The following IMMP2L variants were observed in gnomAD, a reference collection of about 807,000 sequenced individuals.
IMMP2L encodes inner mitochondrial membrane peptidase subunit 2.
A neutral mutation model predicts 19.3 loss-of-function variants in IMMP2L; 18 were observed. The ratio of observed to expected loss-of-function variants is 0.93; its 90% CI spans 0.64 to 1.38. The LOEUF is 1.38. Among genes scored for constraint, IMMP2L ranks in the 40% most tolerant of loss-of-function variants. The pLI is 0.00. For synonymous variants in IMMP2L, 76 were observed against 73.0 expected (o/e 1.04, Z -0.21); for missense variants, 233 against 218.2 (o/e 1.07, Z -0.43).
intron 5 of IMMP2L, among the ~76,000 whole-genome samples, chr7:110,859,648 T>C (rs1448372933): frequency 1.3e-5 from 2 of 150,686 alleles, no homozygotes; most frequent in Non-Finnish European, 3.0e-5. Context: ...GAGGCTGAGG[T>C]GGGAGGATCA....
chr7:111,035,759 A>G (rs999719423), intron 3 of IMMP2L, among the ~76,000 whole-genome samples: 4 of 152,186 alleles, frequency 2.6e-5, no homozygotes, highest in African/African-American at 9.7e-5. Context: ...TTTTTAAAAA[A>G]TTATCATTGG....
chr7:111,239,625 A>T (rs550428847), intron 3 of IMMP2L, among the ~76,000 whole-genome samples: 1 of 152,058 alleles, frequency 6.6e-6, no homozygotes, highest in Admixed American at 6.6e-5. Flanking sequence ...AATTCTTTGT[A>T]ATCTCTTTAT....
chr7:111,219,754 C>G (rs1180301951), intron 3 of IMMP2L, among the ~76,000 whole-genome samples: 6 of 147,934 alleles, frequency 4.1e-5, no homozygotes, highest in Non-Finnish European at 7.5e-5. Flanking sequence ...TTTTTTTGGT[C>G]TATAAAACAA....
At chr7:111,180,530 T>C (rs895372871) in intron 3 of IMMP2L, among the ~76,000 whole-genome samples, 5 of 151,982 alleles carry the variant, frequency 3.3e-5, no homozygotes. Context: ...CTACAACATA[T>C]GTAACAAAAA....
At chr7:110,894,283 T>A (rs1033279030) in intron 4 of IMMP2L, among the ~76,000 whole-genome samples, 37 of 152,186 alleles carry the variant, frequency 2.4e-4, no homozygotes, top group African/African-American at 8.7e-4. Flanking sequence ...CTATTGTTAA[T>A]TAGATACTGC....
intron 3 of IMMP2L, among the ~76,000 whole-genome samples, chr7:111,297,894 G>A (rs1303516748): frequency 1.3e-5 from 2 of 152,074 alleles, no homozygotes; most frequent in Non-Finnish European, 2.9e-5. Flanking sequence ...GTGATTTCAT[G>A]CAGCCAGAAG....
At chr7:111,307,461 A>T (rs767620104) in intron 3 of IMMP2L, among the ~76,000 whole-genome samples, 2 of 151,906 alleles carry the variant, frequency 1.3e-5, no homozygotes, top group Non-Finnish European at 2.9e-5. Context: ...ATAAAATATA[A>T]CTAGGCAAAA....
intron 5 of IMMP2L, among the ~76,000 whole-genome samples, chr7:110,793,388 C>G (rs989078694): frequency 1.4e-4 from 22 of 151,866 alleles, no homozygotes; most frequent in African/African-American, 5.1e-4. Flanking sequence ...CCACTGCACT[C>G]TAGCCTGGGC....
At chr7:110,684,198 C>T (rs981635182) in intron 5 of IMMP2L, among the ~76,000 whole-genome samples, 1 of 152,074 alleles carries the variant, frequency 6.6e-6, no homozygotes, top group Non-Finnish European at 1.5e-5. Context: ...TCATGGCTAA[C>T]TATGGACTGA....
intron 5 of IMMP2L, among the ~76,000 whole-genome samples, chr7:110,764,716 T>C (rs1225843286): frequency 2.0e-5 from 3 of 152,050 alleles, no homozygotes; most frequent in East Asian, 3.9e-4. Context: ...GACTTCAAAG[T>C]GGGAAAAAGA....
At chr7:110,859,374 A>G (rs769610904) in intron 5 of IMMP2L, among the ~76,000 whole-genome samples, 8 of 152,052 alleles carry the variant, frequency 5.3e-5, no homozygotes, top group Non-Finnish European at 1.2e-4. Context: ...CGATAAAGAC[A>G]GTTTTTAGAA....
At position 111,230,832 on chromosome 7, in the gene IMMP2L, G is replaced by A. The variant is rs373319557; in HGVS notation, c.239+256406C>T. On this transcript the variant is annotated intron_variant, in intron 3 of 5. Transcript: ENST00000405709. The stretch of plus-strand genomic sequence containing the variant: ...CTAAAGAAAGGAAGCACAGATATGG[G>A]AATATTTGTAACAAAGGTACATGTC... Among the ~76,000 whole-genome samples, 5 of 151,992 alleles carry A rather than the reference G, an allele frequency of 3.3e-5. No individual in the cohort carries two copies. The South Asian group carries it at 1.0e-3, about 31-fold the overall frequency.
intron 4 of IMMP2L, chr7:110,963,111 T>G: frequency 6.6e-7 from 1 of 1,506,182 alleles, no homozygotes; most frequent in East Asian, 2.5e-5. Flanking sequence ...AAAAGAGTCC[T>G]CTTAGTTTCT....
At chr7:111,297,631 G>A (rs918001350) in intron 3 of IMMP2L, among the ~76,000 whole-genome samples, 1 of 152,044 alleles carries the variant, frequency 6.6e-6, no homozygotes, top group Admixed American at 6.6e-5. Context: ...CAGCTTTAAT[G>A]ATACTAGTCA....
chr7:111,558,167 C>T (rs1250968250), intron 1 of IMMP2L, among the ~76,000 whole-genome samples: 1 of 152,134 alleles, frequency 6.6e-6, no homozygotes, highest in Non-Finnish European at 1.5e-5. Context: ...TTCTAGGAAA[C>T]AAGTAATTCA....
chr7:111,136,432 TA>T (rs139750069), intron 3 of IMMP2L, among the ~76,000 whole-genome samples: 8 of 151,406 alleles, frequency 5.3e-5, no homozygotes, highest in African/African-American at 1.5e-4. Context: ...ATTTTAGAAA[TA>T]AAAAAAAATG....
chr7:111,206,075 C>A (rs537447078), intron 3 of IMMP2L, among the ~76,000 whole-genome samples: 25 of 152,288 alleles, frequency 1.6e-4, no homozygotes, highest in African/African-American at 6.0e-4. Flanking sequence ...GATACCAAAT[C>A]TGTTTTTCTA....
chr7:110,673,597 A>G (rs1792075193), intron 5 of IMMP2L, among the ~76,000 whole-genome samples: 1 of 152,146 alleles, frequency 6.6e-6, no homozygotes, highest in Non-Finnish European at 1.5e-5. Flanking sequence ...CTGCTTAGAA[A>G]TTTCTTCCGG....
rs1420723885 is a variant in IMMP2L at position 110,836,465 on chromosome 7, T to C, written c.408+50128A>G. 4.6e-5 allele frequency among the ~76,000 whole-genome samples: 7 copies of C among 152,240 alleles called. 1 individual carries two copies. Among genetic ancestry groups the C allele is most frequent in the African/African-American group, 1.7e-4 (7 of 41,548 alleles). ...ATAAGTCTCACGAATCTGATGGTTT[T>C]AAAAGGGGAGTTTCTCTGTACAAGC... On this transcript the variant is annotated intron_variant, in intron 5 of 5. Transcript: ENST00000405709.
Sources: allele counts gnomAD v4.1 joint callset (sites outside exome capture counted in the v4.1 genomes callset), GRCh38; gene constraint gnomAD v4.1.1; transcripts MANE v1.5; gene names NCBI Gene and HGNC (gene_info 2026-07-23, HGNC 2026-07-21).